The following PDIA6 variants were observed in gnomAD, a reference collection of about 807,000 sequenced individuals.
PDIA6 encodes protein disulfide-isomerase A6.
A neutral mutation model predicts 58.4 loss-of-function variants in PDIA6; 29 were observed. That is an observed-to-expected ratio of 0.50 (90% CI 0.37 to 0.68). The LOEUF (loss-of-function observed/expected upper bound fraction) is 0.68. PDIA6 is among the 30% of genes least tolerant of loss of function. The probability of loss-of-function intolerance (pLI) is 0.00; values close to 1 mark genes in which losing one functional copy is unlikely to be tolerated. For missense variants in PDIA6, 480 were observed against 551.0 expected (o/e 0.87, Z 1.29); for synonymous variants, 192 against 202.6 (o/e 0.95, Z 0.44).
At chr2:10,792,089 C>A (rs1203379397) in intron 5 of PDIA6, among the ~76,000 whole-genome samples, 164 bp from the exon 6 acceptor site, 1 of 152,208 alleles carries the variant, frequency 6.6e-6, no homozygotes, top group Non-Finnish European at 1.5e-5. Context: ...TTCCTCAGCA[C>A]TGTAATTTTT....
intron 1 of PDIA6, among the ~76,000 whole-genome samples, chr2:10,821,953 A>AG (rs1258175533): frequency 2.1e-5 from 3 of 140,518 alleles, no homozygotes; most frequent in African/African-American, 7.8e-5. Flanking sequence ...AATTAAAAAA[A>AG]AAATTTTTTT....
chr2:10,806,650 A>AAGGAAAGAAAGAAAGACAGACAGACAG (rs1553339954), intron 1 of PDIA6, among the ~76,000 whole-genome samples: 1 of 62,924 alleles, frequency 1.6e-5, no homozygotes, highest in Non-Finnish European at 4.5e-5. Context: ...AAGAAAGAAA[A>AAGGAAAGAAAGAAAGACAGACAGACAG]ACGTTACAGT....
At chr2:10,836,787 T>A (rs1163184383), upstream of PDIA6, among the ~76,000 whole-genome samples, 1 of 151,862 alleles carries the variant, frequency 6.6e-6, no homozygotes, top group South Asian at 2.1e-4. Flanking sequence ...TTGTGTTCTA[T>A]GGGGATTAAA....
intron 11 of PDIA6, among the ~76,000 whole-genome samples, chr2:10,786,318 T>TGGG (rs200685250): frequency 2.0e-4 from 28 of 136,912 alleles, no homozygotes; most frequent in African/African-American, 7.9e-4. Flanking sequence ...GTCTCGGGGG[T>TGGG]GGGGGGGAAA....
intron 1 of PDIA6, among the ~76,000 whole-genome samples, chr2:10,804,275 C>T (rs57657112): frequency 1.0e-4 from 15 of 150,270 alleles, no homozygotes; most frequent in Admixed American, 2.0e-4. Context: ...AAAAAACCTA[C>T]GTTTTCTTCT....
chr2:10,831,903 A>C (rs1330610623), intron 1 of PDIA6, among the ~76,000 whole-genome samples: 1 of 148,480 alleles, frequency 6.7e-6, no homozygotes, highest in Non-Finnish European at 1.5e-5. Flanking sequence ...CTCTCTCCTC[A>C]TGTGCCAGGC....
At chr2:10,819,430 G>A in intron 1 of PDIA6, 3 of 862,708 alleles carry the variant, frequency 3.5e-6, no homozygotes, top group Admixed American at 2.3e-5. Context: ...CATATGCCAG[G>A]CTCCACGTAT....
chr2:10,816,867 G>A (rs149179494), upstream of PDIA6, among the ~76,000 whole-genome samples: 3 of 152,136 alleles, frequency 2.0e-5, no homozygotes, highest in Admixed American at 1.3e-4. Context: ...GAGATGTCAT[G>A]TGGCCTGCCC....
At chr2:10,796,435 TAGG>T (rs1391498799) in intron 4 of PDIA6, among the ~76,000 whole-genome samples, 9 of 149,696 alleles carry the variant, frequency 6.0e-5, no homozygotes, top group African/African-American at 2.0e-4. Flanking sequence ...GAGGCTGAAG[TAGG>T]AGGACTGCCT....
chr2:10,828,134 C>A (rs1293416329), intron 1 of PDIA6, among the ~76,000 whole-genome samples: 1 of 152,050 alleles, frequency 6.6e-6, no homozygotes, highest in African/African-American at 2.4e-5. Context: ...CCACAGTTTA[C>A]ATTAGGGTTC....
At chr2:10,824,388 C>A (rs1667492177) in intron 1 of PDIA6, among the ~76,000 whole-genome samples, 1 of 152,238 alleles carries the variant, frequency 6.6e-6, no homozygotes, top group Non-Finnish European at 1.5e-5. Flanking sequence ...GTGTAGCAAC[C>A]CTGGGTGGAT....
At chr2:10,819,868 G>T (rs1024709856) in intron 1 of PDIA6, among the ~76,000 whole-genome samples, 1 of 152,158 alleles carries the variant, frequency 6.6e-6, no homozygotes, top group East Asian at 1.9e-4. Flanking sequence ...TGCCCCATGG[G>T]TCCTCTGAGG....
chr2:10,837,568 C>T (rs1012527022), exon 1 of PDIA6: 22 of 785,930 alleles, frequency 2.8e-5, no homozygotes, highest in Admixed American at 8.0e-5. Flanking sequence ...ATTTGATCCT[C>T]GGGACACTTT....
upstream of PDIA6, chr2:10,812,874 C>G (rs923564280): frequency 2.6e-5 from 30 of 1,159,054 alleles, no homozygotes; most frequent in Admixed American, 1.9e-4. Flanking sequence ...CTCATTGGTC[C>G]GGGCGGACAT....
chr2:10,831,191 A>G (rs1667702144), intron 1 of PDIA6, among the ~76,000 whole-genome samples: 1 of 152,134 alleles, frequency 6.6e-6, no homozygotes, highest in Non-Finnish European at 1.5e-5. Context: ...GCGGGCGTTG[A>G]TGAGCGCTGT....
chr2:10,815,030 C>G (rs115945779), upstream of PDIA6, among the ~76,000 whole-genome samples: 1,026 of 152,290 alleles, frequency 6.7e-3, 17 homozygotes, highest in African/African-American at 0.024. Context: ...GGGCTGAATG[C>G]GCAGCTGCAC....
chr2:10,826,897 G>A (rs953015965), intron 1 of PDIA6, among the ~76,000 whole-genome samples: 3 of 152,186 alleles, frequency 2.0e-5, no homozygotes, highest in East Asian at 1.9e-4. Context: ...TCCTGCCTTC[G>A]GGCCTTGGCA....
rs1667540289 is a variant in PDIA6, at chr2:10,825,798, C to T, written c.-48+6404G>A. Among the ~76,000 whole-genome samples the T allele has an allele frequency of 2.0e-5, 3 of 152,312 alleles. No individual in the cohort carries two copies. In the South Asian group the frequency reaches 6.2e-4, roughly 32 times the overall value. On this transcript the variant is annotated intron_variant, in intron 1 of 13. Transcript: ENST00000381611. Reference sequence around the variant, plus strand: ...TGAGAAATAACTTCATACCCACTGGCTTGGCTAGAATCAAAGTCAGAGAAT... The same window carrying T: ...TGAGAAATAACTTCATACCCACTGGTTTGGCTAGAATCAAAGTCAGAGAAT...
chr2:10,801,325 A>C (rs1325306053), intron 2 of PDIA6, among the ~76,000 whole-genome samples: 2 of 152,160 alleles, frequency 1.3e-5, no homozygotes, highest in Non-Finnish European at 2.9e-5. Flanking sequence ...CAAACACCAC[A>C]AAGTAAAACT....
Sources: allele counts gnomAD v4.1 joint callset (sites outside exome capture counted in the v4.1 genomes callset), GRCh38; gene constraint gnomAD v4.1.1; transcripts MANE v1.5; gene names NCBI Gene and HGNC (gene_info 2026-07-23, HGNC 2026-07-21).